MAPK9: variants seen among roughly 807,000 people sequenced by gnomAD.
MAPK9 encodes the protein Jun kinase.
MAPK9 carries 30 observed loss-of-function variants against 57.1 expected under a neutral mutation model. The ratio of observed to expected loss-of-function variants is 0.53; its 90% CI spans 0.39 to 0.71. MAPK9 has a LOEUF of 0.71. Ranked by LOEUF, MAPK9 falls within the 30% of genes least tolerant of loss-of-function variation. The pLI, the probability that MAPK9 is intolerant of heterozygous loss-of-function variation, is 0.00. For synonymous variants in MAPK9, 155 were observed against 177.0 expected, an observed-to-expected ratio of 0.88 and a Z score of 0.99; for missense variants, 362 against 521.0, an observed-to-expected ratio of 0.69 and a Z score of 2.97.
At chr5:180,286,461 T>C (rs1192910658) in intron 1 of MAPK9, among the ~76,000 whole-genome samples, 1 of 151,732 alleles carries the variant, frequency 6.6e-6, no homozygotes, top group Non-Finnish European at 1.5e-5. Flanking sequence ...GTAATTCTTA[T>C]GAAGAATAGC....
At chr5:180,265,633 C>T (rs1256220714) in intron 3 of MAPK9, among the ~76,000 whole-genome samples, 1 of 152,202 alleles carries the variant, frequency 6.6e-6, no homozygotes, top group African/African-American at 2.4e-5. Flanking sequence ...AAACCGCTTT[C>T]CTTTATAAGT....
At chr5:180,254,582 T>C (rs976902766) in intron 5 of MAPK9, among the ~76,000 whole-genome samples, 1 of 152,198 alleles carries the variant, frequency 6.6e-6, no homozygotes, top group African/African-American at 2.4e-5. Flanking sequence ...CTATAATATG[T>C]GCTTCCAGAC....
At position 180,235,261 on chromosome 5, in the gene MAPK9, A is replaced by C. The variant is rs1757094602; in HGVS notation, c.*1123T>G. 6.6e-6 allele frequency: 1 copy of C among 152,272 alleles called. No homozygotes were observed. The highest frequency in any genetic ancestry group is 1.5e-5 in the Non-Finnish European group (1 of 68,056). The allele number at this position is 152,272 out of a possible 1,614,324, so 9.4% of individuals were successfully genotyped here. The stretch of plus-strand genomic sequence containing the variant: ...AACAATGGAGAGCAACAATAGCAAC[A>C]GGCATCTGAATCAGCCTGGCCTCTG... On this transcript the variant is annotated 3_prime_UTR_variant, in exon 12 of 12. Coordinates refer to ENST00000452135, the MANE Select transcript of MAPK9 (RefSeq NM_002752.5).
chr5:180,249,224 G>T, intron 5 of MAPK9, 86 bp from the exon 6 acceptor site: 1 of 1,299,436 alleles, frequency 7.7e-7, no homozygotes, highest in Non-Finnish European at 1.1e-6. Flanking sequence ...TGAAGCCAGT[G>T]TGAGAGTGTA....
intron 1 of MAPK9, among the ~76,000 whole-genome samples, chr5:180,286,355 A>G (rs1762764961): frequency 6.6e-6 from 1 of 150,826 alleles, no homozygotes; most frequent in Non-Finnish European, 1.5e-5. Context: ...TGTGTTAGCC[A>G]GGATGGTCTC....
chr5:180,247,662 C>A lies in MAPK9; in HGVS notation c.617-152G>T. 1 of 935,028 alleles carries A rather than the reference C, an allele frequency of 1.1e-6. No homozygotes were observed. Among genetic ancestry groups the A allele is most frequent in the Non-Finnish European group, 1.7e-6 (1 of 590,278 alleles). 57.9% of individuals were successfully genotyped at this position (935,028 alleles called of 1,614,324 possible). On this transcript the variant is annotated intron_variant, in intron 6 of 11. Coordinates refer to ENST00000452135, the MANE Select transcript of MAPK9 (RefSeq NM_002752.5). This position sits in a 1 kb window ranked among gnomAD's most constrained non-coding sequence, Gnocchi z 4.5. ...TTTACACAATATGAATGATTGCTGA[C>A]CTCTATTTTAGCCTTCGGTTTGTAG... is the stretch of plus-strand genomic sequence containing the variant.
chr5:180,278,797 T>TTC (rs144740095), intron 2 of MAPK9, among the ~76,000 whole-genome samples: 7 of 150,992 alleles, frequency 4.6e-5, no homozygotes, highest in Non-Finnish European at 1.0e-4. Flanking sequence ...TCTCTCCTTT[T>TTC]TCTCTCTCTC....
At position 180,267,516 on chromosome 5, in the gene MAPK9, C is replaced by G. The variant is rs186048550; in HGVS notation, c.252+1764G>C. On this transcript the variant is annotated intron_variant, in intron 3 of 11. Transcript: ENST00000452135. ...GGCGGAGCTTGCAGTGAGCTGAGAT[C>G]GCGCCACTGCCCTCCAGGTTGGGCG... Among the ~76,000 whole-genome samples the G allele has an allele frequency of 2.0e-4, 29 of 143,032 alleles. No individual in the cohort carries two copies. In the South Asian group the frequency reaches 4.0e-3, roughly 20 times the overall value. 93.8% of individuals were successfully genotyped at this position (143,032 alleles called of 152,430 possible).
At chr5:180,240,752 G>A (rs1055577329) in intron 9 of MAPK9, among the ~76,000 whole-genome samples, 6 of 152,240 alleles carry the variant, frequency 3.9e-5, no homozygotes, top group African/African-American at 1.2e-4. Context: ...CAATGGCACA[G>A]AATAGATGCT....
intron 1 of MAPK9, among the ~76,000 whole-genome samples, chr5:180,286,614 T>C (rs139098952): frequency 1.3e-4 from 20 of 150,730 alleles, no homozygotes; most frequent in African/African-American, 2.9e-4. Flanking sequence ...GTTGGATCCA[T>C]AGGACCCTGC....
intron 1 of MAPK9, among the ~76,000 whole-genome samples, chr5:180,282,400 C>T (rs35977675): frequency 0.15 from 22,852 of 152,172 alleles, 2,128 homozygotes; most frequent in Middle Eastern, 0.2. Flanking sequence ...GGGAGAAGCG[C>T]GAGCAGTGAG....
Position 180,236,287 on chromosome 5 carries a change from T to TG in MAPK9, c.*96dup, listed in dbSNP as rs1757166189. 4.5e-6 allele frequency: 6 copies of TG among 1,327,178 alleles called. No individual in the cohort carries two copies. In the Admixed American group the frequency reaches 7.2e-5, roughly 16 times the overall value. The allele number at this position is 1,327,178 out of a possible 1,614,324, so 82.2% of individuals were successfully genotyped here. On this transcript the variant is annotated 3_prime_UTR_variant, in exon 12 of 12. Transcript: ENST00000452135. ...CATTGTGTTTCTTACATGCAGAACA[T>TG]GGAGTTTTTCTATTTGGTTCCATCA... is the stretch of plus-strand genomic sequence containing the variant.
At chr5:180,263,424 C>G (rs951927324) in intron 4 of MAPK9, among the ~76,000 whole-genome samples, 2 of 152,116 alleles carry the variant, frequency 1.3e-5, no homozygotes, top group African/African-American at 4.8e-5. Context: ...AGTGGGTTAC[C>G]AACCCAGATG....
intron 4 of MAPK9, among the ~76,000 whole-genome samples, chr5:180,262,206 G>T (rs1760045514): frequency 6.6e-6 from 1 of 152,040 alleles, no homozygotes; most frequent in Non-Finnish European, 1.5e-5. Flanking sequence ...GCACGTAAGG[G>T]GCTGGAGACA....
At chr5:180,259,081 T>C (rs1561809628) in intron 5 of MAPK9, among the ~76,000 whole-genome samples, 1 of 152,182 alleles carries the variant, frequency 6.6e-6, no homozygotes, top group East Asian at 1.9e-4. Flanking sequence ...TCCAGCTCCC[T>C]TTGAACACAT....
intron 2 of MAPK9, among the ~76,000 whole-genome samples, chr5:180,278,640 A>G (rs1284925232): frequency 6.6e-6 from 1 of 152,186 alleles, no homozygotes; most frequent in African/African-American, 2.4e-5. Context: ...CGGAGGCTAC[A>G]GTGAGCTGAG....
intron 11 of MAPK9, chr5:180,236,893 A>C (rs558432206): frequency 1.3e-5 from 2 of 158,574 alleles, no homozygotes; most frequent in Non-Finnish European, 2.8e-5. Context: ...CTTAAGCCTG[A>C]CTAGGATTCC....
intron 5 of MAPK9, among the ~76,000 whole-genome samples, chr5:180,254,398 C>T (rs1382124175): frequency 6.6e-6 from 1 of 152,230 alleles, no homozygotes; most frequent in Middle Eastern, 3.4e-3. Flanking sequence ...TAAAACCCTT[C>T]AACAAAAGCT....
intron 1 of MAPK9, among the ~76,000 whole-genome samples, chr5:180,285,665 G>A (rs1187600881): frequency 1.3e-5 from 2 of 152,102 alleles, no homozygotes; most frequent in Non-Finnish European, 2.9e-5. Flanking sequence ...GCTCACACTT[G>A]TAATCCCAGC....
Sources: gnomAD v4.1 joint callset for allele counts (sites outside exome capture counted in the v4.1 genomes callset) on GRCh38, gnomAD v4.1.1 for gene constraint, Gnocchi (gnomAD v3.1) non-coding constraint, MANE v1.5 for transcripts, NCBI Gene and HGNC (gene_info 2026-07-23, HGNC 2026-07-21) for gene names.